ATP2A2: variants seen among roughly 807,000 people sequenced by gnomAD.
ATP2A2 encodes ATPase sarcoplasmic/endoplasmic reticulum Ca2+ transporting 2.
A neutral mutation model predicts 109.3 loss-of-function variants in ATP2A2; 14 were observed. The ratio of observed to expected loss-of-function variants is 0.13; its 90% CI spans 0.08 to 0.20. ATP2A2 has a LOEUF of 0.20. Among genes scored for constraint, ATP2A2 ranks in the 10% least tolerant of loss-of-function variants. The pLI is 1.00. For synonymous variants in ATP2A2, 506 were observed against 490.9 expected, an observed-to-expected ratio of 1.03 and a Z score of -0.41; for missense variants, 657 against 1,321.6, an observed-to-expected ratio of 0.50 and a Z score of 7.80.
chr12:110,328,194 TC>T (rs747198552), intron 8 of ATP2A2, among the ~76,000 whole-genome samples, 177 bp downstream of exon 8: 24 of 152,134 alleles, frequency 1.6e-4, no homozygotes, highest in Middle Eastern at 6.8e-3. Context: ...CCTAAAACTT[TC>T]ACAAAATACA....
chr12:110,293,475 A>G (rs111995335), intron 4 of ATP2A2, among the ~76,000 whole-genome samples: 223 of 144,232 alleles, frequency 1.5e-3, no homozygotes, highest in African/African-American at 5.4e-3. Context: ...GCTCACTGCA[A>G]CCTCCACTTC....
In ATP2A2 at chr12:110,347,288, T is replaced by TA. The variant is rs1879969555; in HGVS notation, c.*825dup. The stretch of plus-strand genomic sequence containing the variant: ...ATTTCAGTGGCACGTCATCTAGTTT[T>TA]AAAAAAATAAAACATTTTAAATGGA... On this transcript the variant is annotated 3_prime_UTR_variant, in exon 20 of 20. Transcript: ENST00000539276. The TA allele has an allele frequency of 6.3e-6, 8 of 1,260,266 alleles. No individual in the cohort carries two copies. The highest frequency in any genetic ancestry group is 7.2e-6 in the Non-Finnish European group (7 of 971,624). 78.1% of individuals were successfully genotyped at this position (1,260,266 alleles called of 1,614,324 possible).
intron 5 of ATP2A2, among the ~76,000 whole-genome samples, chr12:110,302,311 T>TAA (rs1293416725): frequency 1.3e-5 from 2 of 152,164 alleles, no homozygotes; most frequent in Non-Finnish European, 2.9e-5. Context: ...ACCATTCCCT[T>TAA]TATTTGAATA....
intron 3 of ATP2A2, among the ~76,000 whole-genome samples, chr12:110,288,286 T>C (rs1240630654): frequency 6.6e-6 from 1 of 151,846 alleles, no homozygotes; most frequent in Non-Finnish European, 1.5e-5. Context: ...TTTTTTTTTA[T>C]ACACATAGGG....
At position 110,327,446 on chromosome 12, in the gene ATP2A2, C is replaced by G; in HGVS notation, c.631-107C>G. On this transcript the variant is annotated intron_variant, in intron 7 of 19. Coordinates refer to ENST00000539276, the MANE Select transcript of ATP2A2 (RefSeq NM_170665.4). This position sits in a 1 kb window ranked among gnomAD's most constrained non-coding sequence, Gnocchi z 4.4. The stretch of plus-strand genomic sequence containing the variant: ...GCTTGAACAGTAGCCAGTGGAAGAC[C>G]TAGTAGAATGTGTAGAGAATCTGGG... The G allele has an allele frequency of 9.9e-7, 1 of 1,008,618 alleles. No individual in the cohort carries two copies. The highest frequency in any genetic ancestry group is 2.4e-5 in the East Asian group (1 of 42,210). 62.5% of individuals were successfully genotyped at this position (1,008,618 alleles called of 1,614,324 possible).
chr12:110,325,331 CATG>C (rs1200006719), intron 6 of ATP2A2, among the ~76,000 whole-genome samples: 2 of 152,042 alleles, frequency 1.3e-5, no homozygotes, highest in African/African-American at 4.8e-5. Flanking sequence ...ATATCTATGA[CATG>C]ATTTTTAAAT....
chr12:110,304,882 C>T (rs1875097998), intron 5 of ATP2A2, among the ~76,000 whole-genome samples: 1 of 152,134 alleles, frequency 6.6e-6, no homozygotes, highest in South Asian at 2.1e-4. Flanking sequence ...CGTCGTGGCT[C>T]ATACCTATAT....
At position 110,340,540 on chromosome 12, in the gene ATP2A2, A is replaced by C; in HGVS notation, c.1762-119A>C. 5 of 964,938 alleles carry C rather than the reference A, an allele frequency of 5.2e-6. No homozygotes were observed. The highest frequency in any genetic ancestry group is 7.3e-6 in the Non-Finnish European group (5 of 683,350). 59.8% of individuals were successfully genotyped at this position (964,938 alleles called of 1,614,324 possible). A position where few individuals can be genotyped will look rare whatever the true frequency, so the allele number is the denominator to read the frequency against. Reference sequence around the variant, plus strand: ...GCAACAAGAGCGAAACTCCGCCTCAAAAAAAAAAAAAGAAAAAAAATGCAG... The same window carrying C: ...GCAACAAGAGCGAAACTCCGCCTCACAAAAAAAAAAAGAAAAAAAATGCAG... On this transcript the variant is annotated intron_variant, in intron 13 of 19. Transcript: ENST00000539276. The surrounding 1 kb of genome is among the most constrained non-coding windows in gnomAD (Gnocchi z 6.0).
chr12:110,289,375 A>G (rs1465743168), intron 3 of ATP2A2, among the ~76,000 whole-genome samples: 4 of 152,298 alleles, frequency 2.6e-5, no homozygotes, highest in Non-Finnish European at 1.5e-5. Flanking sequence ...GCATCTATCA[A>G]AATTTATAAC....
chr12:110,294,028 C>T (rs1322004532), intron 4 of ATP2A2, among the ~76,000 whole-genome samples: 1 of 151,382 alleles, frequency 6.6e-6, no homozygotes, highest in African/African-American at 2.4e-5. Context: ...AGGTGACTGT[C>T]ACCATGCCTG....
chr12:110,290,112 A>G (rs1006730179), intron 3 of ATP2A2, among the ~76,000 whole-genome samples: 4 of 152,254 alleles, frequency 2.6e-5, no homozygotes, highest in African/African-American at 9.6e-5. Context: ...AGGATAACCT[A>G]CAAAATACAC....
intron 5 of ATP2A2, among the ~76,000 whole-genome samples, chr12:110,302,346 T>A (rs1874750279): frequency 6.6e-6 from 1 of 152,020 alleles, no homozygotes; most frequent in Non-Finnish European, 1.5e-5. Context: ...AATTTAATAT[T>A]CAAAAAAAAC....
chr12:110,292,460 G>A (rs1254700757), intron 4 of ATP2A2, among the ~76,000 whole-genome samples: 1 of 151,922 alleles, frequency 6.6e-6, no homozygotes, highest in Non-Finnish European at 1.5e-5. Flanking sequence ...TAAGAGACAG[G>A]GTTTCACCAT....
Position 110,347,650 on chromosome 12 carries a change from G to T in ATP2A2, c.*1180G>T. Reference sequence around the variant, plus strand: ...ATATTGTATAGAACTATTTTTATTTGAATGTGGCACTAACCACCACCACCG... The same window carrying T: ...ATATTGTATAGAACTATTTTTATTTTAATGTGGCACTAACCACCACCACCG... On this transcript the variant is annotated 3_prime_UTR_variant, in exon 20 of 20. Coordinates refer to ENST00000539276, the MANE Select transcript of ATP2A2 (RefSeq NM_170665.4). 8.5e-7 allele frequency: 1 copy of T among 1,180,582 alleles called. No homozygotes were observed. The highest frequency in any genetic ancestry group is 1.6e-5 in the South Asian group (1 of 61,406). The allele number at this position is 1,180,582 out of a possible 1,614,324, so 73.1% of individuals were successfully genotyped here.
At position 110,347,688 on chromosome 12, in the gene ATP2A2, A is replaced by T; in HGVS notation, c.*1218A>T. On this transcript the variant is annotated 3_prime_UTR_variant, in exon 20 of 20. Coordinates refer to ENST00000539276, the MANE Select transcript of ATP2A2 (RefSeq NM_170665.4). The stretch of plus-strand genomic sequence containing the variant: ...ACCACCACCACCGTTACTACGATCA[A>T]TGTTTGCGCATGTTCGAGATGAGTC... The T allele has an allele frequency of 8.5e-7, 1 of 1,170,112 alleles. No individual in the cohort carries two copies. Among genetic ancestry groups the T allele is most frequent in the Non-Finnish European group, 1.1e-6 (1 of 932,140 alleles). The allele number at this position is 1,170,112 out of a possible 1,614,324, so 72.5% of individuals were successfully genotyped here.
chr12:110,341,104 A>G (rs1468304877), intron 14 of ATP2A2, 110 bp downstream of exon 14: 16 of 1,186,232 alleles, frequency 1.3e-5, no homozygotes, highest in Non-Finnish European at 1.8e-5. Flanking sequence ...GGAATTTGTC[A>G]TGATTTGGGT....
Position 110,347,279 on chromosome 12 carries a change from A to T in ATP2A2, c.*809A>T. 8 of 1,256,646 alleles carry T rather than the reference A, an allele frequency of 6.4e-6. No individual in the cohort carries two copies. The highest frequency in any genetic ancestry group is 8.2e-6 in the Non-Finnish European group (8 of 970,090). 77.8% of individuals were successfully genotyped at this position (1,256,646 alleles called of 1,614,324 possible). A position where few individuals can be genotyped will look rare whatever the true frequency, so the allele number is the denominator to read the frequency against. The stretch of plus-strand genomic sequence containing the variant: ...ACATTGCCTATTTCAGTGGCACGTC[A>T]TCTAGTTTTAAAAAAATAAAACATT... On this transcript the variant is annotated 3_prime_UTR_variant, in exon 20 of 20. Transcript: ENST00000539276.
At position 110,346,374 on chromosome 12, in the gene ATP2A2, C is replaced by A. The variant is rs201406511; in HGVS notation, c.3033C>A (p.Thr1011=). The A allele has an allele frequency of 1.9e-6, 3 of 1,613,952 alleles. No homozygotes were observed. In the African/African-American group the frequency reaches 4.0e-5, roughly 22 times the overall value. ...ATKSCSFSAC[T]DGISWPFVLL... is the part of the protein sequence containing the mutation. ...AATCCTGCTCGTTCTCGGCATGCAC[C>A]GATGGGATTTCCTGGCCGTTTGTGC... is the stretch of plus-strand genomic sequence containing the variant. Residue 1011 remains threonine, a synonymous_variant, in exon 20 of 20, where the codon ACC becomes ACA. Coordinates refer to ENST00000539276, the MANE Select transcript of ATP2A2 (RefSeq NM_170665.4).
chr12:110,318,734 A>G lies in ATP2A2; in HGVS notation c.464-4258A>G, dbSNP rs149681666. On this transcript the variant is annotated intron_variant, in intron 5 of 19. Coordinates refer to ENST00000539276, the MANE Select transcript of ATP2A2 (RefSeq NM_170665.4). Reference sequence around the variant, plus strand: ...GGTGATCTGCCTGTCTCAGCTTCCCAAAGTTCTGGGATTACAGGCATAAGC... The same window carrying G: ...GGTGATCTGCCTGTCTCAGCTTCCCGAAGTTCTGGGATTACAGGCATAAGC... Among the ~76,000 whole-genome samples the G allele has an allele frequency of 2.0e-5, 3 of 152,320 alleles. No homozygotes were observed. The East Asian group carries it at 5.8e-4, about 29-fold the overall frequency.
Sources: gnomAD v4.1 joint callset for allele counts (sites outside exome capture counted in the v4.1 genomes callset) on GRCh38, gnomAD v4.1.1 for gene constraint, Gnocchi (gnomAD v3.1) non-coding constraint, MANE v1.5 for transcripts, NCBI Gene and HGNC (gene_info 2026-07-23, HGNC 2026-07-21) for gene names.